ZNF534: variants seen among roughly 807,000 people sequenced by gnomAD.
ZNF534 encodes zinc finger protein 534.
A neutral mutation model predicts 13.6 loss-of-function variants in ZNF534; 19 were observed. That is an observed-to-expected ratio of 1.40 (90% confidence interval 0.97 to 2.05). The LOEUF is 2.05. ZNF534 is among the 30% of genes most tolerant of loss of function. ZNF534 has a pLI of 0.00. For missense variants in ZNF534, 782 were observed against 796.3 expected (o/e 0.98, Z 0.22); for synonymous variants, 244 against 273.8 (o/e 0.89, Z 1.07).
At position 52,439,156 on chromosome 19, in the gene ZNF534, G is replaced by A. The variant is rs547431588; in HGVS notation, c.1696G>A (p.Ala566Thr). The A allele has an allele frequency of 5.7e-6, 9 of 1,589,592 alleles. No individual in the cohort carries two copies. The highest frequency in any genetic ancestry group is 5.3e-5 in the Admixed American group (3 of 56,284). ...GGTCTTCAGTCGGAATTCACACCTTGCGCGACATAGGAATATTCATACTGG... is the reference window on the plus strand; with the variant it reads ...GGTCTTCAGTCGGAATTCACACCTTACGCGACATAGGAATATTCATACTGG... ...GKVFSRNSHL[A>T]RHRNIHTGEK... The change falls in exon 5 of 5, where the codon GCG becomes ACG. Residue 566 changes from alanine to threonine, a missense_variant. Around this residue, in one of 5 missense-constraint regions of ZNF534, gnomAD observed 591 missense variants for 574.0 expected, o/e 1.03. Transcript: ENST00000433050.
intron 2 of ZNF534, among the ~76,000 whole-genome samples, chr19:52,433,629 A>G (rs11667923): frequency 0.017 from 2,638 of 152,236 alleles, 32 homozygotes; most frequent in Non-Finnish European, 0.023. Context: ...GCCTCCCAAA[A>G]TGCTGGGATT....
chr19:52,438,335 A>G lies in ZNF534; in HGVS notation c.875A>G (p.His292Arg), dbSNP rs1357371865. The change falls in exon 5 of 5, where the codon CAT becomes CGT. Residue 292 changes from histidine (H) to arginine (R), a missense_variant. His to Arg is a conservative substitution (Grantham distance 29). Transcript: ENST00000433050. ...TACCTTGCACAGCATAGGAAAATTC[A>G]TACTGGAGAGAAGCCTTACAAATGT... ...HAYLAQHRKIHTGEKPYKCSE... is the reference protein window; with the variant it reads ...HAYLAQHRKIRTGEKPYKCSE... 3.1e-6 allele frequency: 5 copies of G among 1,613,248 alleles called. No homozygotes were observed. The highest frequency in any genetic ancestry group is 3.4e-6 in the Non-Finnish European group (4 of 1,179,426).
intron 2 of ZNF534, among the ~76,000 whole-genome samples, chr19:52,433,584 T>C (rs1293419730): frequency 1.3e-5 from 2 of 152,216 alleles, no homozygotes; most frequent in Non-Finnish European, 2.9e-5. Context: ...GCCAAGATGG[T>C]CTTGATCTCC....
downstream of ZNF534, among the ~76,000 whole-genome samples, chr19:52,447,444 G>A (rs1347733430): frequency 6.6e-6 from 1 of 152,132 alleles, no homozygotes; most frequent in Non-Finnish European, 1.5e-5. Context: ...CAACCTCTGT[G>A]TTGAAGCATT....
chr19:52,431,605 A>G, intron 2 of ZNF534, 116 bp downstream of exon 2: 2 of 1,338,960 alleles, frequency 1.5e-6, no homozygotes, highest in Non-Finnish European at 2.1e-6. Flanking sequence ...CATTGCACTT[A>G]CCCATGGCTT....
chr19:52,441,067 G>T lies in ZNF534; in HGVS notation c.*1621G>T, dbSNP rs997504137. ...CAAGCACATGATGCCATCATGCCTG[G>T]CTAATTTTTTGTATTTTTAGTAGAG... is the stretch of plus-strand genomic sequence containing the variant. On this transcript the variant is annotated 3_prime_UTR_variant, in exon 5 of 5. Coordinates refer to ENST00000433050, the MANE Select transcript of ZNF534 (RefSeq NM_001143938.3). Among the ~76,000 whole-genome samples, 8 of 152,032 alleles carry T rather than the reference G, an allele frequency of 5.3e-5. No homozygotes were observed. The highest frequency in any genetic ancestry group is 9.7e-5 in the African/African-American group (4 of 41,432).
intron 4 of ZNF534, among the ~76,000 whole-genome samples, chr19:52,435,999 T>C (rs1298116519): frequency 6.6e-6 from 1 of 150,616 alleles, no homozygotes; most frequent in Non-Finnish European, 1.5e-5. Flanking sequence ...TACAGTGGCA[T>C]GATCTTGGCT....
downstream of ZNF534, among the ~76,000 whole-genome samples, chr19:52,444,841 C>T (rs1354066192): frequency 1.3e-5 from 2 of 152,132 alleles, no homozygotes; most frequent in Non-Finnish European, 2.9e-5. Flanking sequence ...CAGTCTCACT[C>T]CCACCGTGCC....
chr19:52,439,076 G>T lies in ZNF534; in HGVS notation c.1616G>T (p.Arg539Leu). The T allele has an allele frequency of 6.3e-7, 1 of 1,590,762 alleles. No homozygotes were observed. The highest frequency in any genetic ancestry group is 1.1e-5 in the South Asian group (1 of 88,896). ...KVFRRNSHLV[R>L]HRNVHTGEKP... ...TTCCGTCGGAATTCACACCTTGTGC[G>T]ACATAGGAATGTTCATACTGGAGAA... is the stretch of plus-strand genomic sequence containing the variant. The change falls in exon 5 of 5, where the codon CGA (arginine) becomes CTA (leucine). Residue 539 changes from arginine (R) to leucine (L), a missense_variant. By Grantham distance (102) the Arg-to-Leu change is moderately radical. Transcript: ENST00000433050.
Position 52,434,038 on chromosome 19 carries a change from C to G in ZNF534, c.99C>G (p.Tyr33Ter), listed in dbSNP as rs2059111180. ...TGGACCCTGGGCAGAAAGCTTTATA[C>G]AGGGACGTGATGTTAGAGAACTACA... ...KCLDPGQKAL[Y>*]RDVMLENYRN... The change falls in exon 3 of 5, where the codon TAC becomes TAG. Residue 33 changes from tyrosine to a stop codon, truncating the protein, a stop_gained. Coordinates refer to ENST00000433050, the MANE Select transcript of ZNF534 (RefSeq NM_001143938.3). LOFTEE classifies it high-confidence loss of function. 5 of 1,614,028 alleles carry G rather than the reference C, an allele frequency of 3.1e-6. No individual in the cohort carries two copies. Among genetic ancestry groups the G allele is most frequent in the Non-Finnish European group, 4.2e-6 (5 of 1,180,038 alleles).
chr19:52,444,937 A>G (rs1599871749), downstream of ZNF534, among the ~76,000 whole-genome samples: 3 of 152,070 alleles, frequency 2.0e-5, no homozygotes. Context: ...CCTCCCAACT[A>G]CAAAAGCAAG....
chr19:52,438,996 T>G lies in ZNF534; in HGVS notation c.1536T>G (p.His512Gln). 6.2e-7 allele frequency: 1 copy of G among 1,604,032 alleles called. No individual in the cohort carries two copies. The highest frequency in any genetic ancestry group is 1.1e-5 in the South Asian group (1 of 90,098). The change falls in exon 5 of 5, where the codon CAT becomes CAG. Residue 512 changes from histidine to glutamine, a missense_variant. Around this residue, in one of 5 missense-constraint regions of ZNF534, gnomAD observed 591 missense variants for 574.0 expected, o/e 1.03. Transcript: ENST00000433050. ...VFRQNSHLAQHRDIHTGEKPY... is the reference protein window; with the variant it reads ...VFRQNSHLAQQRDIHTGEKPY... Reference sequence around the variant, plus strand: ...GTCAGAATTCACACCTTGCACAACATAGGGATATTCATACTGGAGAGAAGC... The same window carrying G: ...GTCAGAATTCACACCTTGCACAACAGAGGGATATTCATACTGGAGAGAAGC...
In ZNF534 at chr19:52,438,863, G is replaced by A; in HGVS notation, c.1403G>A (p.Cys468Tyr). The change falls in exon 5 of 5, where the codon TGT (cysteine) becomes TAT (tyrosine). Residue 468 changes from cysteine (C) to tyrosine (Y), a missense_variant. Around this residue, in one of 5 missense-constraint regions of ZNF534, gnomAD observed 591 missense variants for 574.0 expected, o/e 1.03. Coordinates refer to ENST00000433050, the MANE Select transcript of ZNF534 (RefSeq NM_001143938.3). ...CATACTGGAGAGAAGCCTTACAAAT[G>A]TAACGAATGTGGCAAGGTCTTCAGT... ...RIHTGEKPYK[C>Y]NECGKVFSQN... 6.2e-7 allele frequency: 1 copy of A among 1,611,212 alleles called. No homozygotes were observed. Among genetic ancestry groups the A allele is most frequent in the Middle Eastern group, 1.7e-4 (1 of 6,058 alleles).
chr19:52,451,586 G>T, exon 5 of ZNF534: 1 of 601,764 alleles, frequency 1.7e-6, no homozygotes, highest in Non-Finnish European at 2.9e-6. Flanking sequence ...CGGGCACGCG[G>T]GCTACGATCT....
intron 1 of ZNF534, among the ~76,000 whole-genome samples, chr19:52,430,591 C>T (rs1335295091): frequency 4.6e-5 from 7 of 151,356 alleles, no homozygotes; most frequent in African/African-American, 1.5e-4. Flanking sequence ...CACTCTGTCA[C>T]CCAGGCTGGA....
chr19:52,438,625 A>C lies in ZNF534; in HGVS notation c.1165A>C (p.Lys389Gln), dbSNP rs759787666. 6.3e-7 allele frequency: 1 copy of C among 1,589,980 alleles called. No homozygotes were observed. The highest frequency in any genetic ancestry group is 1.1e-5 in the South Asian group (1 of 88,698). ...ACCTTACAAATGTAATGAGTGTGGC[A>C]AGGTCTTTATTGGCAATTCACGCCT... ...EKPYKCNECGKVFIGNSRLAR... is the reference protein window; with the variant it reads ...EKPYKCNECGQVFIGNSRLAR... Residue 389 changes from lysine (K) to glutamine (Q), a missense_variant, in exon 5 of 5, where the codon AAG becomes CAG. Transcript: ENST00000433050.
chr19:52,433,848 C>T (rs776323541), intron 2 of ZNF534, 107 bp from the exon 3 acceptor site: 52 of 1,275,450 alleles, frequency 4.1e-5, no homozygotes, highest in South Asian at 2.4e-4. Flanking sequence ...GTGGATTTGG[C>T]GCAGTGCTCG....
intron 3 of ZNF534, 136 bp from the exon 4 acceptor site, chr19:52,434,945 A>G: frequency 3.5e-6 from 4 of 1,127,912 alleles, no homozygotes; most frequent in Non-Finnish European, 4.9e-6. Flanking sequence ...CTTAGCATTC[A>G]GAAGGATGCA....
chr19:52,434,482 AAAAAG>A (rs1321653122), intron 3 of ZNF534, among the ~76,000 whole-genome samples: 1,760 of 149,730 alleles, frequency 0.012, 49 homozygotes, highest in African/African-American at 0.042. Flanking sequence ...AAAAAAAAAA[AAAAAG>A]AAATGAAAAG....
Sources: gnomAD v4.1 joint callset for allele counts (sites outside exome capture counted in the v4.1 genomes callset) on GRCh38, gnomAD v4.1.1 for gene constraint, gnomAD v4.1.1 regional missense constraint, MANE v1.5 for transcripts, NCBI Gene and HGNC (gene_info 2026-07-23, HGNC 2026-07-21) for gene names.